The following MALRD1 variants were observed in gnomAD, a reference collection of about 807,000 sequenced individuals.
MALRD1 encodes the protein MAM and LDL-receptor class A domain-containing protein 1.
Under a neutral mutation model 242.1 loss-of-function variants are expected in MALRD1, and 247 were observed. That is an observed-to-expected ratio of 1.02 (90% confidence interval 0.92 to 1.13). MALRD1 has a LOEUF of 1.13. MALRD1 is among the 50% of genes most tolerant of loss of function. MALRD1 has a pLI of 0.00. For synonymous variants in MALRD1, 995 were observed against 866.6 expected, an observed-to-expected ratio of 1.15 and a Z score of -2.60; for missense variants, 2,989 against 2,533.1, an observed-to-expected ratio of 1.18 and a Z score of -3.86.
chr10:19,701,515 G>T (rs1833626102), intron 38 of MALRD1, among the ~76,000 whole-genome samples: 2 of 152,082 alleles, frequency 1.3e-5, no homozygotes, highest in Admixed American at 6.6e-5. Context: ...TGGGGCGATG[G>T]AGGAATACAC....
chr10:19,234,653 TG>T (rs1838223471), intron 18 of MALRD1, among the ~76,000 whole-genome samples: 1 of 151,956 alleles, frequency 6.6e-6, no homozygotes, highest in Non-Finnish European at 1.5e-5. Context: ...CGCTAATTCA[TG>T]TCTATTGGTA....
intron 23 of MALRD1, among the ~76,000 whole-genome samples, chr10:19,330,376 A>G (rs1554833783): frequency 6.6e-6 from 1 of 152,130 alleles, no homozygotes; most frequent in Non-Finnish European, 1.5e-5. Flanking sequence ...ATTTCTTTTA[A>G]GAAAAATAAT....
At chr10:19,457,142 T>C (rs1209558144) in intron 29 of MALRD1, among the ~76,000 whole-genome samples, 1 of 152,156 alleles carries the variant, frequency 6.6e-6, no homozygotes, top group East Asian at 1.9e-4. Context: ...TAGCTAGATG[T>C]TACACCAAAT....
In MALRD1 at chr10:19,501,907, T is replaced by A. The variant is rs373617821; in HGVS notation, c.5320+3261T>A. On this transcript the variant is annotated intron_variant, in intron 31 of 39. Transcript: ENST00000454679. ...TTAGCCAGGTGTGGTAGAGTGCCTG[T>A]TGTCCCCACTACTCGGGAGGCTGAG... is the stretch of plus-strand genomic sequence containing the variant. Among the ~76,000 whole-genome samples, 321 of 151,672 alleles carry A rather than the reference T, an allele frequency of 2.1e-3. 1 individual carries two copies. The highest frequency in any genetic ancestry group is 6.3e-3 in the African/African-American group (262 of 41,352).
At chr10:19,362,383 C>T (rs1844930924) in intron 26 of MALRD1, among the ~76,000 whole-genome samples, 1 of 152,080 alleles carries the variant, frequency 6.6e-6, no homozygotes, top group South Asian at 2.1e-4. Context: ...TGGTAACATA[C>T]CCTCACTCCC....
intron 33 of MALRD1, among the ~76,000 whole-genome samples, chr10:19,583,404 A>G (rs1438013403): frequency 4.0e-4 from 61 of 151,044 alleles, no homozygotes; most frequent in African/African-American, 1.4e-3. Flanking sequence ...TCCCATCAAT[A>G]CCTAATTTAT....
At chr10:19,543,956 TA>T (rs1564428496) in intron 32 of MALRD1, among the ~76,000 whole-genome samples, 2 of 152,160 alleles carry the variant, frequency 1.3e-5, no homozygotes, top group African/African-American at 4.8e-5. Flanking sequence ...ATCTTATCTT[TA>T]TTTTTATTAT....
At chr10:19,196,657 C>T (rs72786520) in intron 14 of MALRD1, among the ~76,000 whole-genome samples, 11,392 of 151,758 alleles carry the variant, frequency 0.075, 488 homozygotes, top group Middle Eastern at 0.11. Context: ...CAGCTCTTGA[C>T]CTGACATGAT....
intron 33 of MALRD1, among the ~76,000 whole-genome samples, chr10:19,591,364 C>T (rs1589278881): frequency 6.6e-6 from 1 of 152,224 alleles, no homozygotes; most frequent in South Asian, 2.1e-4. Context: ...GATTCCAACA[C>T]ACTTGAAATT....
intron 28 of MALRD1, among the ~76,000 whole-genome samples, chr10:19,413,689 T>C (rs573836725): frequency 6.6e-6 from 1 of 152,232 alleles, no homozygotes; most frequent in East Asian, 1.9e-4. Context: ...GAGGTTTTTT[T>C]TAAATGATTT....
At chr10:19,568,603 T>C (rs1405279938) in intron 33 of MALRD1, among the ~76,000 whole-genome samples, 1 of 152,082 alleles carries the variant, frequency 6.6e-6, no homozygotes, top group Non-Finnish European at 1.5e-5. Flanking sequence ...CTTTGAAATC[T>C]TAAGATTAAA....
chr10:19,557,776 A>G (rs74122006), intron 32 of MALRD1, among the ~76,000 whole-genome samples: 163 of 152,114 alleles, frequency 1.1e-3, no homozygotes, highest in African/African-American at 3.7e-3. Context: ...TTTCCTTTTA[A>G]ACTTCCAAGT....
intron 30 of MALRD1, among the ~76,000 whole-genome samples, chr10:19,496,440 C>T (rs984294704): frequency 2.0e-5 from 3 of 152,252 alleles, no homozygotes; most frequent in Middle Eastern, 3.4e-3. Context: ...AATTAAACAG[C>T]CTGCTTCTGA....
chr10:19,684,165 A>G (rs1296991552), intron 36 of MALRD1, among the ~76,000 whole-genome samples: 2 of 152,160 alleles, frequency 1.3e-5, no homozygotes, highest in Admixed American at 6.6e-5. Context: ...GCAAAACCGT[A>G]TGGTCAACAG....
chr10:19,386,933 T>C (rs1480519650), intron 26 of MALRD1, among the ~76,000 whole-genome samples: 4 of 152,180 alleles, frequency 2.6e-5, no homozygotes, highest in African/African-American at 4.8e-5. Context: ...ATCTCTATGG[T>C]TGGCATTGCA....
At chr10:19,719,207 T>TATAC (rs1834591572) in intron 38 of MALRD1, among the ~76,000 whole-genome samples, 1 of 67,376 alleles carries the variant, frequency 1.5e-5, no homozygotes, top group African/African-American at 8.1e-5. Context: ...TATATATATA[T>TATAC]ATATACACAT....
At chr10:19,716,784 G>T (rs1276700116) in intron 38 of MALRD1, 4 of 152,090 alleles carry the variant, frequency 2.6e-5, no homozygotes, top group Admixed American at 2.0e-4. Flanking sequence ...TTTTCACTTT[G>T]AATGGATCAC....
At chr10:19,278,864 A>G (rs961536147) in intron 19 of MALRD1, among the ~76,000 whole-genome samples, 1 of 152,182 alleles carries the variant, frequency 6.6e-6, no homozygotes, top group Admixed American at 6.5e-5. Context: ...AATTAACATA[A>G]GCAAATTGAT....
chr10:19,623,102 T>A (rs1184447582), intron 36 of MALRD1, among the ~76,000 whole-genome samples: 1 of 152,028 alleles, frequency 6.6e-6, no homozygotes, highest in East Asian at 1.9e-4. Flanking sequence ...AAAGCTTTTT[T>A]TCAATGACTC....
Sources: gnomAD v4.1 joint callset for allele counts (sites outside exome capture counted in the v4.1 genomes callset) on GRCh38, gnomAD v4.1.1 for gene constraint, MANE v1.5 for transcripts, NCBI Gene and HGNC (gene_info 2026-07-23, HGNC 2026-07-21) for gene names.